ANKRD62: variants seen among roughly 807,000 people sequenced by gnomAD.
ANKRD62 encodes ankyrin repeat domain 62, also known as ankyrin repeat domain-containing protein 62.
A neutral mutation model predicts 98.8 loss-of-function variants in ANKRD62; 61 were observed. The ratio of observed to expected loss-of-function variants is 0.62; its 90% CI spans 0.50 to 0.76. The LOEUF (loss-of-function observed/expected upper bound fraction) is 0.76, where lower values mean the gene tolerates loss of function less well. ANKRD62 is among the 30% of genes least tolerant of loss of function. ANKRD62 has a pLI of 0.00. For synonymous variants in ANKRD62, 341 were observed against 367.9 expected, an observed-to-expected ratio of 0.93 and a Z score of 0.84; for missense variants, 933 against 1,082.9, an observed-to-expected ratio of 0.86 and a Z score of 1.94.
rs943441818 is a variant in ANKRD62 at position 12,125,510 on chromosome 18, G to A, written c.1689G>A (p.Leu563=). The part of the protein sequence containing the change: ...RERDLWQENH[L]MRDEIARLRL... ...GAGACCTGTGGCAGGAAAATCACTTGATGCGGGATGAAATTGCCAGACTCA... is the reference window on the plus strand; with the variant it reads ...GAGACCTGTGGCAGGAAAATCACTTAATGCGGGATGAAATTGCCAGACTCA... Residue 563 remains leucine, a synonymous_variant, in exon 13 of 14, where the codon TTG becomes TTA. Coordinates refer to ENST00000587848, the MANE Select transcript of ANKRD62 (RefSeq NM_001277333.2). 47 of 1,494,620 alleles carry A rather than the reference G, an allele frequency of 3.1e-5. No homozygotes were observed. Among genetic ancestry groups the A allele is most frequent in the Non-Finnish European group, 3.9e-5 (44 of 1,133,238 alleles). The allele number at this position is 1,494,620 out of a possible 1,614,324, so 92.6% of individuals were successfully genotyped here.
chr18:12,161,379 T>C, the ANKRD62 span, among the ~76,000 whole-genome samples: 1 of 152,170 alleles, frequency 6.6e-6, no homozygotes, highest in Admixed American at 6.6e-5. Flanking sequence ...GCCATTTTCC[T>C]TAACAGTTCT....
chr18:12,127,630 A>G (rs908415638), intron 13 of ANKRD62, 118 bp from the exon 14 acceptor site: 4 of 670,418 alleles, frequency 6.0e-6, no homozygotes, highest in East Asian at 3.2e-5. Context: ...TGAGGAGGAG[A>G]AGAAGAATCA....
the ANKRD62 span, among the ~76,000 whole-genome samples, chr18:12,157,181 C>T: frequency 6.4e-4 from 98 of 152,290 alleles, no homozygotes; most frequent in African/African-American, 2.2e-3. Context: ...AGATATTTTG[C>T]TTGTTCTGCT....
intron 7 of ANKRD62, 43 bp downstream of exon 7, chr18:12,103,271 A>G: frequency 8.3e-7 from 1 of 1,200,152 alleles, no homozygotes; most frequent in Non-Finnish European, 1.1e-6. Context: ...TTCTTTGGTA[A>G]TGTAGCATAA....
chr18:12,124,318 C>G lies in ANKRD62; in HGVS notation c.1636C>G (p.Gln546Glu), dbSNP rs1909845311. ...GAAGACTGTAAGAAGTAACTCAAAT[C>G]AGGTAAATTAATGTTTGGTAAAATT... ...ELKTVRSNSN[Q>E]NFHTHERERD... The change falls in exon 12 of 14, where the codon CAG (glutamine) becomes GAG (glutamate). Residue 546 changes from glutamine to glutamate, a missense_variant and splice_region_variant. Transcript: ENST00000587848. 2 of 1,050,174 alleles carry G rather than the reference C, an allele frequency of 1.9e-6. No homozygotes were observed. The highest frequency in any genetic ancestry group is 2.6e-6 in the Non-Finnish European group (2 of 765,296). The allele number at this position is 1,050,174 out of a possible 1,614,324, so 65.1% of individuals were successfully genotyped here. A position where few individuals can be genotyped will look rare whatever the true frequency, so the allele number is the denominator to read the frequency against.
rs1167898561 is a variant in ANKRD62 at position 12,126,242 on chromosome 18, C to G, written c.2421C>G (p.Ile807Met). Residue 807 changes from isoleucine to methionine, a missense_variant, in exon 13 of 14, where the codon ATC (isoleucine) becomes ATG (methionine). Transcript: ENST00000587848. ...ADNQEKTIIN[I>M]QVKCEDTVEK... ...ATCAGGAGAAAACAATAATTAATAT[C>G]CAAGTCAAATGTGAAGATACTGTAG... The G allele has an allele frequency of 1.3e-6, 2 of 1,535,812 alleles. No individual in the cohort carries two copies. The highest frequency in any genetic ancestry group is 1.7e-6 in the Non-Finnish European group (2 of 1,146,794).
At chr18:12,165,706 A>G in the ANKRD62 span, among the ~76,000 whole-genome samples, 2 of 152,066 alleles carry the variant, frequency 1.3e-5, no homozygotes, top group Non-Finnish European at 2.9e-5. Flanking sequence ...GTGTTACACT[A>G]TTCTGGGGGT....
the ANKRD62 span, among the ~76,000 whole-genome samples, chr18:12,155,132 A>C: frequency 6.6e-6 from 1 of 152,244 alleles, no homozygotes; most frequent in Non-Finnish European, 1.5e-5. Flanking sequence ...TGTTAACAAC[A>C]ACAAAAGAAA....
At chr18:12,171,634 G>A in the ANKRD62 span, among the ~76,000 whole-genome samples, 97 of 152,128 alleles carry the variant, frequency 6.4e-4, no homozygotes, top group African/African-American at 2.3e-3. Flanking sequence ...TGCTCTTCTC[G>A]AGGAGTATCT....
chr18:12,094,235 G>C lies in ANKRD62; in HGVS notation c.218G>C (p.Arg73Thr), dbSNP rs1279784816. Residue 73 changes from arginine to threonine, a missense_variant and splice_region_variant, in exon 1 of 14, where the codon AGG (arginine) becomes ACG (threonine). Physicochemically the swap from Arg to Thr is moderately conservative, Grantham distance 71. This residue lies in a region of ANKRD62 where 549 missense variants were observed against 587.9 expected (regional missense o/e 0.93). Transcript: ENST00000587848. ...NDLNDRDKKNRTALLLACAHG... is the reference protein window; with the variant it reads ...NDLNDRDKKNTTALLLACAHG... ...TTGAACGACAGGGACAAGAAGAACA[G>C]GTAAGGGGAACAGGAAGCCGGGAGG... 1 of 1,523,810 alleles carries C rather than the reference G, an allele frequency of 6.6e-7. No homozygotes were observed. The highest frequency in any genetic ancestry group is 1.2e-5 in the South Asian group (1 of 83,220). The allele number at this position is 1,523,810 out of a possible 1,614,324, so 94.4% of individuals were successfully genotyped here.
chr18:12,156,300 T>A, the ANKRD62 span, among the ~76,000 whole-genome samples: 2 of 152,202 alleles, frequency 1.3e-5, no homozygotes. Flanking sequence ...TGTAGCAACA[T>A]GAGAAGAACT....
the ANKRD62 span, among the ~76,000 whole-genome samples, chr18:12,158,492 T>C: frequency 6.6e-6 from 1 of 152,124 alleles, no homozygotes; most frequent in South Asian, 2.1e-4. Context: ...AAATTGTTAA[T>C]ACCCTACAAA....
the ANKRD62 span, among the ~76,000 whole-genome samples, chr18:12,137,262 T>G: frequency 4.3e-3 from 655 of 152,374 alleles, 12 homozygotes; most frequent in Non-Finnish European, 2.5e-3. Context: ...CATGAAGGGT[T>G]GTTGAATTTT....
the ANKRD62 span, among the ~76,000 whole-genome samples, chr18:12,151,881 G>A: frequency 6.6e-6 from 1 of 152,016 alleles, no homozygotes; most frequent in Non-Finnish European, 1.5e-5. Context: ...TGAAGGCAAT[G>A]TGACCACTGA....
chr18:12,152,215 A>C, the ANKRD62 span, among the ~76,000 whole-genome samples: 1 of 142,090 alleles, frequency 7.0e-6, no homozygotes. Flanking sequence ...AGGAGGAGGG[A>C]CTCCTCCCAA....
intron 10 of ANKRD62, among the ~76,000 whole-genome samples, chr18:12,118,043 G>GT (rs903884469): frequency 4.6e-5 from 7 of 152,278 alleles, no homozygotes; most frequent in Non-Finnish European, 1.0e-4. Flanking sequence ...TACAGGTGCT[G>GT]TAATGGATGA....
At chr18:12,171,232 T>C in the ANKRD62 span, among the ~76,000 whole-genome samples, 1 of 152,264 alleles carries the variant, frequency 6.6e-6, no homozygotes, top group South Asian at 2.1e-4. Context: ...CTTCCTAGCA[T>C]CGATGGTCTT....
chr18:12,164,129 G>T, the ANKRD62 span, among the ~76,000 whole-genome samples: 1 of 151,978 alleles, frequency 6.6e-6, no homozygotes, highest in African/African-American at 2.4e-5. Context: ...AAGCCATTGG[G>T]CCTGGGCTTT....
the ANKRD62 span, among the ~76,000 whole-genome samples, chr18:12,150,788 G>A: frequency 6.6e-6 from 1 of 152,144 alleles, no homozygotes; most frequent in East Asian, 1.9e-4. Flanking sequence ...TGCCTTACAA[G>A]AGATCTTGAA....
Sources: gnomAD v4.1 joint callset for allele counts (sites outside exome capture counted in the v4.1 genomes callset) on GRCh38, gnomAD v4.1.1 for gene constraint, gnomAD v4.1.1 regional missense constraint, MANE v1.5 for transcripts, NCBI Gene and HGNC (gene_info 2026-07-23, HGNC 2026-07-21) for gene names.